Variants in DPP6 observed in about 807,000 individuals in gnomAD.
DPP6 encodes the protein dipeptidyl peptidase like 6.
A neutral mutation model predicts 122.6 loss-of-function variants in DPP6; 69 were observed. The ratio of observed to expected loss-of-function variants is 0.56; its 90% CI spans 0.46 to 0.69. The LOEUF (loss-of-function observed/expected upper bound fraction) is 0.69, where lower values mean the gene tolerates loss of function less well. Among genes scored for constraint, DPP6 ranks in the 30% least tolerant of loss-of-function variants. DPP6 has a pLI of 0.00. For missense variants in DPP6, 928 were observed against 1,116.9 expected (o/e 0.83, Z 2.41); for synonymous variants, 418 against 433.1 (o/e 0.97, Z 0.43).
the DPP6 span, among the ~76,000 whole-genome samples, chr7:153,843,131 C>G: frequency 6.6e-6 from 1 of 151,844 alleles, no homozygotes; most frequent in Non-Finnish European, 1.5e-5. Context: ...CGCATACACA[C>G]TTGCATACAG....
At chr7:153,898,614 G>A (rs773704163) in intron 1 of DPP6, among the ~76,000 whole-genome samples, 13 of 152,226 alleles carry the variant, frequency 8.5e-5, no homozygotes, top group East Asian at 1.9e-4. Flanking sequence ...AAATGAAAAC[G>A]AGAATGTTGA....
At chr7:154,154,265 C>T (rs1796573208) in intron 1 of DPP6, among the ~76,000 whole-genome samples, 2 of 152,244 alleles carry the variant, frequency 1.3e-5, no homozygotes, top group South Asian at 4.1e-4. Context: ...AACTGAGAAC[C>T]AGGGCCATTC....
chr7:154,318,286 C>T (rs1010760582), intron 1 of DPP6, among the ~76,000 whole-genome samples: 1 of 152,202 alleles, frequency 6.6e-6, no homozygotes, highest in Non-Finnish European at 1.5e-5. Context: ...ACATAGGACT[C>T]AATATTCGTC....
intron 3 of DPP6, among the ~76,000 whole-genome samples, chr7:154,478,338 G>A (rs890721538): frequency 3.3e-5 from 5 of 152,030 alleles, no homozygotes; most frequent in Non-Finnish European, 5.9e-5. Flanking sequence ...AGCGGTGAGC[G>A]ATTTGTTCAT....
At chr7:154,649,764 T>C (rs978574760) in intron 6 of DPP6, among the ~76,000 whole-genome samples, 2 of 152,170 alleles carry the variant, frequency 1.3e-5, no homozygotes, top group Admixed American at 1.3e-4. Context: ...TCTCTCCAAA[T>C]GATCTCTCTG....
At chr7:154,762,678 A>G (rs1212279286) in intron 8 of DPP6, among the ~76,000 whole-genome samples, 2 of 152,222 alleles carry the variant, frequency 1.3e-5, no homozygotes, top group African/African-American at 4.8e-5. Flanking sequence ...ACCTGTAGAA[A>G]AGAGAAGGCT....
intron 5 of DPP6, among the ~76,000 whole-genome samples, chr7:154,612,832 T>A (rs1276412246): frequency 6.7e-6 from 1 of 150,270 alleles, no homozygotes; most frequent in Non-Finnish European, 1.5e-5. Flanking sequence ...ATTTTAGGCA[T>A]TCTAATAGGA....
At chr7:153,778,383 AGTT>A in the DPP6 span, among the ~76,000 whole-genome samples, 1 of 152,164 alleles carries the variant, frequency 6.6e-6, no homozygotes, top group Non-Finnish European at 1.5e-5. Context: ...GTGTGTGTAT[AGTT>A]GTTATGCATA....
At chr7:154,313,722 C>T (rs1434606329) in intron 1 of DPP6, among the ~76,000 whole-genome samples, 31 of 27,172 alleles carry the variant, frequency 1.1e-3, no homozygotes, top group Admixed American at 1.2e-3. Context: ...TATACACACA[C>T]ACGCACGCAC....
At chr7:154,752,262 A>T (rs755222513) in intron 8 of DPP6, among the ~76,000 whole-genome samples, 17 of 152,148 alleles carry the variant, frequency 1.1e-4, no homozygotes, top group African/African-American at 3.9e-4. Flanking sequence ...TTATCTCCAA[A>T]GTGATAATGT....
intron 1 of DPP6, among the ~76,000 whole-genome samples, chr7:153,952,463 A>T (rs1802264576): frequency 6.6e-6 from 1 of 152,232 alleles, no homozygotes; most frequent in African/African-American, 2.4e-5. Context: ...TCTATCAAGT[A>T]TATGCAAATT....
At chr7:154,886,497 C>G (rs1395133542) in intron 22 of DPP6, among the ~76,000 whole-genome samples, 1 of 152,202 alleles carries the variant, frequency 6.6e-6, no homozygotes, top group African/African-American at 2.4e-5. Context: ...CCCTTTTTCT[C>G]TGAACCTGAG....
the DPP6 span, among the ~76,000 whole-genome samples, chr7:153,749,541 T>C: frequency 3.9e-5 from 6 of 152,202 alleles, no homozygotes; most frequent in East Asian, 1.2e-3. This position sits in a 1 kb window ranked among gnomAD's most constrained non-coding sequence, Gnocchi z 4.1. Flanking sequence ...AGGAAATTAG[T>C]GACGTTCAGA....
intron 1 of DPP6, among the ~76,000 whole-genome samples, chr7:153,971,690 G>A (rs71530403): frequency 0.088 from 11,812 of 134,716 alleles, 451 homozygotes; most frequent in South Asian, 0.11. Context: ...TGATTATTTA[G>A]TGTTTGTTCA....
the DPP6 span, among the ~76,000 whole-genome samples, chr7:153,785,732 T>C: frequency 6.6e-6 from 1 of 152,070 alleles, no homozygotes; most frequent in African/African-American, 2.4e-5. Flanking sequence ...ACTGTACCTT[T>C]GAATCCTGGT....
intron 5 of DPP6, among the ~76,000 whole-genome samples, chr7:154,583,496 A>G (rs1274515996): frequency 2.0e-5 from 3 of 152,074 alleles, no homozygotes; most frequent in African/African-American, 7.2e-5. Context: ...ACCCAAGGTC[A>G]TCTTCTCTTC....
At chr7:154,774,549 G>A (rs567624226) in intron 10 of DPP6, among the ~76,000 whole-genome samples, 1 of 152,344 alleles carries the variant, frequency 6.6e-6, no homozygotes, top group East Asian at 1.9e-4. Context: ...TTGAAGCCTG[G>A]ATGCTGGGCT....
chr7:154,801,196 G>A (rs575041655), intron 12 of DPP6, among the ~76,000 whole-genome samples, 159 bp from the exon 13 acceptor site: 15 of 152,136 alleles, frequency 9.9e-5, no homozygotes, highest in Non-Finnish European at 2.1e-4. Context: ...CATGATTCCC[G>A]AGGAAAGTGA....
chr7:154,126,133 G>T (rs1388373984), intron 1 of DPP6, among the ~76,000 whole-genome samples: 1 of 152,142 alleles, frequency 6.6e-6, no homozygotes, highest in Non-Finnish European at 1.5e-5. Flanking sequence ...ACTTGAAGGT[G>T]AAATTTCAAA....
Sources: gnomAD v4.1 joint callset for allele counts (sites outside exome capture counted in the v4.1 genomes callset) on GRCh38, gnomAD v4.1.1 for gene constraint, Gnocchi (gnomAD v3.1) non-coding constraint, MANE v1.5 for transcripts, NCBI Gene and HGNC (gene_info 2026-07-23, HGNC 2026-07-21) for gene names.